Variants in EPM2A observed in about 807,000 individuals in gnomAD.
EPM2A encodes EPM2A glucan phosphatase, laforin.
In EPM2A, 21 loss-of-function variants were observed where a neutral mutation model predicts 26.5. The ratio of observed to expected loss-of-function variants is 0.79; its 90% confidence interval spans 0.56 to 1.14. The LOEUF is 1.14. EPM2A is among the 50% of genes most tolerant of loss of function. The pLI, the probability that EPM2A is intolerant of heterozygous loss-of-function variation, is 0.00. For missense variants in EPM2A, 458 were observed against 440.8 expected (o/e 1.04, Z -0.35); for synonymous variants, 217 against 177.6 (o/e 1.22, Z -1.76).
At chr6:145,641,325 T>C (rs1777070890) in intron 2 of EPM2A, 1 of 152,084 alleles carries the variant, frequency 6.6e-6, no homozygotes, top group Non-Finnish European at 1.5e-5. Context: ...AGTGTCCTTA[T>C]AAGAGGGGGG....
At chr6:145,439,053 A>T (rs1280001550) in intron 4 of EPM2A, among the ~76,000 whole-genome samples, 1 of 152,104 alleles carries the variant, frequency 6.6e-6, no homozygotes, top group Admixed American at 6.6e-5. Flanking sequence ...TACAAGTGAG[A>T]ATATGTAGCA....
intron 4 of EPM2A, among the ~76,000 whole-genome samples, chr6:145,444,327 T>C (rs1266523368): frequency 6.6e-6 from 1 of 152,222 alleles, no homozygotes; most frequent in Non-Finnish European, 1.5e-5. Context: ...TGAATTTTAT[T>C]GAAATCCTTT....
At chr6:145,720,852 T>A (rs1012577390) in intron 1 of EPM2A, 1 of 152,170 alleles carries the variant, frequency 6.6e-6, no homozygotes, top group African/African-American at 2.4e-5. Flanking sequence ...GACTAAGGTT[T>A]AAAAGACAAT....
At chr6:145,538,765 G>A (rs1433348688) in intron 2 of EPM2A, among the ~76,000 whole-genome samples, 1 of 152,168 alleles carries the variant, frequency 6.6e-6, no homozygotes, top group East Asian at 1.9e-4. Context: ...GCCAGTGAAT[G>A]GTAGCCATAT....
At chr6:145,495,571 C>CTTTA (rs150332808) in intron 4 of EPM2A, among the ~76,000 whole-genome samples, 12,041 of 151,812 alleles carry the variant, frequency 0.079, 556 homozygotes, top group East Asian at 0.17. Context: ...TATGCGGATG[C>CTTTA]TTTATTTATT....
intron 4 of EPM2A, among the ~76,000 whole-genome samples, chr6:145,466,910 A>G (rs986888567): frequency 1.3e-5 from 2 of 152,084 alleles, no homozygotes; most frequent in African/African-American, 2.4e-5. Flanking sequence ...ACCAAACACC[A>G]CACATTCTCA....
intron 2 of EPM2A, among the ~76,000 whole-genome samples, chr6:145,597,982 C>T (rs928047196): frequency 8.5e-5 from 13 of 152,120 alleles, no homozygotes; most frequent in Non-Finnish European, 1.5e-5. Flanking sequence ...CACTGATGGG[C>T]AGTTAGGTTG....
intron 2 of EPM2A, among the ~76,000 whole-genome samples, chr6:145,581,361 CTTTT>C (rs1359326352): frequency 6.6e-6 from 1 of 151,854 alleles, no homozygotes; most frequent in Non-Finnish European, 1.5e-5. Flanking sequence ...TTGCTTATTA[CTTTT>C]TTTAAGTTCC....
intron 2 of EPM2A, among the ~76,000 whole-genome samples, chr6:145,617,414 AGAG>A (rs765128611): frequency 4.6e-5 from 7 of 152,200 alleles, no homozygotes; most frequent in Admixed American, 3.3e-4. Flanking sequence ...ACTAATACAA[AGAG>A]GATAGGCTAA....
intron 1 of EPM2A, chr6:145,734,973 G>C (rs763493573): frequency 3.1e-5 from 10 of 320,562 alleles, no homozygotes; most frequent in Non-Finnish European, 5.1e-5. Flanking sequence ...AGCGCTATAC[G>C]GGTCTAGGGA....
chr6:145,599,954 AAAT>A (rs933375006), intron 2 of EPM2A, among the ~76,000 whole-genome samples: 15 of 152,100 alleles, frequency 9.9e-5, no homozygotes, highest in Non-Finnish European at 1.8e-4. Context: ...ATTTCTGGGC[AAAT>A]AATAGTTTAT....
chr6:145,645,784 G>A (rs1305692016), intron 2 of EPM2A, among the ~76,000 whole-genome samples: 1 of 151,986 alleles, frequency 6.6e-6, no homozygotes, highest in African/African-American at 2.4e-5. Flanking sequence ...TGCAGAGACA[G>A]GGTTTCGCCA....
At position 145,395,400 on chromosome 6, in the gene EPM2A, CT is replaced by C. The variant is rs199581826; in HGVS notation, c.556-11304del. On this transcript the variant is annotated intron_variant, in intron 4 of 4. Transcript: ENST00000638717. ...ATGCCTTGGGAATCCTAATTCAGCC[CT>C]ATGGGGGTAACAATCAGCCCATTAA... 8.8e-4 allele frequency among the ~76,000 whole-genome samples: 134 copies of C among 152,238 alleles called. No individual in the cohort carries two copies. In the East Asian group the frequency reaches 0.022, roughly 25 times the overall value.
Position 145,681,711 on chromosome 6 carries a change from G to A in EPM2A, c.476+4411C>T, listed in dbSNP as rs541717176. Among the ~76,000 whole-genome samples, 94 of 152,084 alleles carry A rather than the reference G, an allele frequency of 6.2e-4. 1 individual carries two copies. In the South Asian group the frequency reaches 0.018, roughly 29 times the overall value. Reference sequence around the variant, plus strand: ...AAAGATCAGATAGTTGTAGATATGCGGCGTTATTTCTGAGGGCTCTGTTCT... The same window carrying A: ...AAAGATCAGATAGTTGTAGATATGCAGCGTTATTTCTGAGGGCTCTGTTCT... On this transcript the variant is annotated intron_variant, in intron 2 of 3. Coordinates refer to ENST00000367519, the MANE Select transcript of EPM2A (RefSeq NM_005670.4).
chr6:145,596,154 A>G (rs932631986), intron 2 of EPM2A, among the ~76,000 whole-genome samples: 1 of 152,234 alleles, frequency 6.6e-6, no homozygotes, highest in African/African-American at 2.4e-5. Flanking sequence ...TCAAATGTTT[A>G]TTAGTGTTTA....
intron 2 of EPM2A, chr6:145,635,702 G>A (rs1776612698): frequency 1.9e-5 from 10 of 539,330 alleles, no homozygotes; most frequent in East Asian, 6.4e-5. Context: ...TAACTAGAAC[G>A]CCAGGAAATG....
intron 4 of EPM2A, chr6:145,490,643 C>T: frequency 1.6e-6 from 1 of 636,930 alleles, no homozygotes; most frequent in South Asian, 1.4e-5. Flanking sequence ...TTGCATATTT[C>T]ACACTTGAAA....
intron 1 of EPM2A, among the ~76,000 whole-genome samples, chr6:145,691,910 T>C (rs1041680971): frequency 7.2e-5 from 11 of 151,948 alleles, no homozygotes; most frequent in African/African-American, 2.7e-4. Flanking sequence ...TGTTAAATAG[T>C]CTAAATACAC....
chr6:145,698,745 C>T (rs1781756657), intron 1 of EPM2A, among the ~76,000 whole-genome samples: 1 of 152,066 alleles, frequency 6.6e-6, no homozygotes, highest in South Asian at 2.1e-4. Context: ...GAAGCCCTGA[C>T]CTCCCAATGT....
Sources: allele counts gnomAD v4.1 joint callset (sites outside exome capture counted in the v4.1 genomes callset), GRCh38; gene constraint gnomAD v4.1.1; transcripts MANE v1.5; gene names NCBI Gene and HGNC (gene_info 2026-07-23, HGNC 2026-07-21).